CACNA1I: variants seen among roughly 807,000 people sequenced by gnomAD.
CACNA1I encodes the protein calcium voltage-gated channel subunit alpha1 I.
In CACNA1I, 74 loss-of-function variants were observed where a neutral mutation model predicts 201.6. The observed-to-expected ratio is 0.37, with a 90% CI of 0.30 to 0.45. The LOEUF is 0.45. CACNA1I is among the 20% of genes least tolerant of loss of function. CACNA1I has a pLI of 1.00. For synonymous variants in CACNA1I, 1,431 were observed against 1,345.2 expected (o/e 1.06, Z -1.40); for missense variants, 2,346 against 3,138.1 (o/e 0.75, Z 6.03).
At position 39,620,253 on chromosome 22, in the gene CACNA1I, ATCCATCCATCCATCCATCCATCCATACG is replaced by A. The variant is rs1320927399; in HGVS notation, c.580+848_580+875del. On this transcript the variant is annotated intron_variant, in intron 4 of 36. Coordinates refer to ENST00000402142, the MANE Select transcript of CACNA1I (RefSeq NM_021096.4). ...CATCCACCTGTCCATCCATCCATCC[ATCCATCCATCCATCCATCCATCCATACG>A]TACATACATACATCTGCTCATCTTT... is the stretch of plus-strand genomic sequence containing the variant. 3.7e-5 allele frequency among the ~76,000 whole-genome samples: 5 copies of A among 134,436 alleles called. No homozygotes were observed. The East Asian group carries it at 1.4e-3, about 38-fold the overall frequency. 88.2% of individuals were successfully genotyped at this position (134,436 alleles called of 152,430 possible). A position where few individuals can be genotyped will look rare whatever the true frequency, so the allele number is the denominator to read the frequency against.
intron 1 of CACNA1I, among the ~76,000 whole-genome samples, chr22:39,576,672 G>A (rs1398691578): frequency 6.6e-6 from 1 of 152,200 alleles, no homozygotes; most frequent in Non-Finnish European, 1.5e-5. Context: ...GCCAGCCTGC[G>A]GGGAGGCAGG....
At position 39,669,970 on chromosome 22, in the gene CACNA1I, G is replaced by T. The variant is rs550019849; in HGVS notation, c.4195-68G>T. 1.9e-6 allele frequency: 3 copies of T among 1,569,168 alleles called. No individual in the cohort carries two copies. In the South Asian group the frequency reaches 3.3e-5, roughly 17 times the overall value. On this transcript the variant is annotated intron_variant, in intron 24 of 36. Coordinates refer to ENST00000402142, the MANE Select transcript of CACNA1I (RefSeq NM_021096.4). Reference sequence around the variant, plus strand: ...GCCCACTCCATGGAGGCTCAGCCAGGATGGGCACCTCCCCATGGCCCTGTA... The same window carrying T: ...GCCCACTCCATGGAGGCTCAGCCAGTATGGGCACCTCCCCATGGCCCTGTA...
At chr22:39,577,143 G>A (rs149261254) in intron 1 of CACNA1I, among the ~76,000 whole-genome samples, 1 of 152,136 alleles carries the variant, frequency 6.6e-6, no homozygotes, top group African/African-American at 2.4e-5. Flanking sequence ...GTAGAGACGT[G>A]GTTTCACCAG....
At chr22:39,642,095 C>T (rs1934365688) in intron 6 of CACNA1I, among the ~76,000 whole-genome samples, 1 of 152,148 alleles carries the variant, frequency 6.6e-6, no homozygotes, top group South Asian at 2.1e-4. Context: ...CCTGCGCTGC[C>T]TCTGCTGCCC....
intron 10 of CACNA1I, 80 bp from the exon 11 acceptor site, chr22:39,658,072 C>A (rs1934882231): frequency 6.8e-7 from 1 of 1,470,556 alleles, no homozygotes; most frequent in Non-Finnish European, 9.4e-7. Context: ...GGTCACACAG[C>A]CAGGGTGGGT....
At position 39,679,318 on chromosome 22, in the gene CACNA1I, A is replaced by G. The variant is rs59097762; in HGVS notation, c.5267A>G (p.His1756Arg). The G allele has an allele frequency of 2.5e-5, 39 of 1,553,484 alleles. No homozygotes were observed. In the Admixed American group the frequency reaches 5.5e-4, roughly 22 times the overall value. ...GCCGAGCTCGAGCTGGAGATGGCCC[A>G]TGGCCTGGGCCCTGGCCCGAGGCTG... ...MDAELELEMA[H>R]GLGPGPRLPT... The change falls in exon 32 of 37, where the codon CAT becomes CGT. Residue 1756 changes from histidine to arginine, a missense_variant. Around this residue, in one of 13 missense-constraint regions of CACNA1I, gnomAD observed 441 missense variants for 555.6 expected, o/e 0.79. Coordinates refer to ENST00000402142, the MANE Select transcript of CACNA1I (RefSeq NM_021096.4).
At position 39,679,410 on chromosome 22, in the gene CACNA1I, G is replaced by A; in HGVS notation, c.5359G>A (p.Gly1787Ser). Residue 1787 changes from glycine (G) to serine (S), a missense_variant, in exon 32 of 37, where the codon GGC becomes AGC. Transcript: ENST00000402142. ...GGAGGGGDTE[G>S]GLCRRCYSPA... ...GGCGGGCGGCGGGGGCGACACCGAGGGCGGCTTGTGCCGGCGCTGCTACTC... is the reference window on the plus strand; with the variant it reads ...GGCGGGCGGCGGGGGCGACACCGAGAGCGGCTTGTGCCGGCGCTGCTACTC... 1 of 1,440,644 alleles carries A rather than the reference G, an allele frequency of 6.9e-7. No homozygotes were observed. The allele number at this position is 1,440,644 out of a possible 1,614,324, so 89.2% of individuals were successfully genotyped here. A position where few individuals can be genotyped will look rare whatever the true frequency, so the allele number is the denominator to read the frequency against.
chr22:39,623,391 C>T (rs909911022), intron 4 of CACNA1I, among the ~76,000 whole-genome samples: 20 of 151,502 alleles, frequency 1.3e-4, no homozygotes, highest in African/African-American at 4.4e-4. Context: ...AATGTGAAAG[C>T]CTGCACACGT....
chr22:39,651,210 G>A (rs903663961), intron 10 of CACNA1I, among the ~76,000 whole-genome samples: 3 of 152,120 alleles, frequency 2.0e-5, no homozygotes, highest in African/African-American at 7.2e-5. Context: ...ACTTCTTTCT[G>A]TGGCAAGACT....
At chr22:39,621,484 T>G (rs570969829) in intron 4 of CACNA1I, among the ~76,000 whole-genome samples, 3 of 152,362 alleles carry the variant, frequency 2.0e-5, no homozygotes, top group East Asian at 3.9e-4. Flanking sequence ...TCAGTCAGTC[T>G]GGGCAGGCCT....
intron 23 of CACNA1I, among the ~76,000 whole-genome samples, chr22:39,667,915 G>T (rs1935247204): frequency 6.6e-6 from 1 of 152,144 alleles, no homozygotes; most frequent in Admixed American, 6.5e-5. Context: ...CCGTCTGGTT[G>T]AGCCTCAGCT....
Position 39,656,423 on chromosome 22 carries a change from G to A in CACNA1I, c.1993-1729G>A, listed in dbSNP as rs776205511. The stretch of plus-strand genomic sequence containing the variant: ...GCTTTTAGGTCTCTGCTGAGATGTC[G>A]CTGCCTCCTGACCCCACTAGCACCG... On this transcript the variant is annotated intron_variant, in intron 10 of 36. Coordinates refer to ENST00000402142, the MANE Select transcript of CACNA1I (RefSeq NM_021096.4). 8.7e-5 allele frequency: 45 copies of A among 518,746 alleles called. No individual in the cohort carries two copies. In the East Asian group the frequency reaches 8.7e-4, roughly 10 times the overall value. The allele number at this position is 518,746 out of a possible 1,614,324, so 32.1% of individuals were successfully genotyped here.
At chr22:39,578,968 A>G (rs1932458277) in intron 1 of CACNA1I, among the ~76,000 whole-genome samples, 1 of 151,904 alleles carries the variant, frequency 6.6e-6, no homozygotes, top group Admixed American at 6.6e-5. Context: ...CACAAGCCCA[A>G]CTTCCAGGCA....
intron 3 of CACNA1I, among the ~76,000 whole-genome samples, chr22:39,601,639 G>A (rs1933034418): frequency 6.6e-6 from 1 of 152,012 alleles, no homozygotes; most frequent in African/African-American, 2.4e-5. Context: ...TGTGTAGAAT[G>A]CTATTGAGGA....
intron 32 of CACNA1I, 79 bp downstream of exon 32, chr22:39,679,524 G>A (rs1935627673): frequency 2.6e-6 from 3 of 1,149,872 alleles, no homozygotes; most frequent in Non-Finnish European, 3.6e-6. Flanking sequence ...GGCCAGGGAG[G>A]CCTTGCACAG....
Position 39,659,231 on chromosome 22 carries a change from A to G in CACNA1I, c.2330+115A>G. The G allele has an allele frequency of 3.8e-6, 5 of 1,302,702 alleles. No homozygotes were observed. The highest frequency in any genetic ancestry group is 3.2e-6 in the Non-Finnish European group (3 of 937,220). The allele number at this position is 1,302,702 out of a possible 1,614,324, so 80.7% of individuals were successfully genotyped here. On this transcript the variant is annotated intron_variant, in intron 12 of 36. Coordinates refer to ENST00000402142, the MANE Select transcript of CACNA1I (RefSeq NM_021096.4). This position sits in a 1 kb window ranked among gnomAD's most constrained non-coding sequence, Gnocchi z 4.3. The stretch of plus-strand genomic sequence containing the variant: ...ACAAAGCCACCTGGACCTGGGTGTG[A>G]AGCCTGACACTGTTCCTCAGTCCCC...
intron 4 of CACNA1I, among the ~76,000 whole-genome samples, chr22:39,632,160 C>T (rs912590208): frequency 1.2e-4 from 19 of 152,262 alleles, no homozygotes; most frequent in African/African-American, 3.6e-4. Flanking sequence ...GAAGCAGGAG[C>T]GGGAATGAAG....
In CACNA1I at chr22:39,659,858, T is replaced by A. The variant is rs771272885; in HGVS notation, c.2604+6T>A. The A allele has an allele frequency of 1.9e-6, 3 of 1,613,644 alleles. No individual in the cohort carries two copies. Among genetic ancestry groups the A allele is most frequent in the Non-Finnish European group, 2.5e-6 (3 of 1,179,780 alleles). On this transcript the variant is annotated splice_donor_region_variant and intron_variant, in intron 14 of 36. Coordinates refer to ENST00000402142, the MANE Select transcript of CACNA1I (RefSeq NM_021096.4). The surrounding 1 kb of genome is among the most constrained non-coding windows in gnomAD (Gnocchi z 4.3). ...TGGAGGGCTTCCAGGCGGAGGTGAC[T>A]GTGGTCTTGGCAGAGGAAGCACCCC...
At chr22:39,599,313 G>A (rs1932969169) in intron 2 of CACNA1I, among the ~76,000 whole-genome samples, 1 of 149,028 alleles carries the variant, frequency 6.7e-6, no homozygotes, top group South Asian at 2.2e-4. Flanking sequence ...GTCTCCCCGG[G>A]CACTTGGTAA....
Sources: gnomAD v4.1 joint callset for allele counts (sites outside exome capture counted in the v4.1 genomes callset) on GRCh38, gnomAD v4.1.1 for gene constraint, gnomAD v4.1.1 regional missense constraint, Gnocchi (gnomAD v3.1) non-coding constraint, MANE v1.5 for transcripts, NCBI Gene and HGNC (gene_info 2026-07-23, HGNC 2026-07-21) for gene names.